DNM3: variants seen among roughly 807,000 people sequenced by gnomAD.
DNM3 encodes dynamin 3.
In DNM3, 47 loss-of-function variants were observed where a neutral mutation model predicts 101.6. The ratio of observed to expected loss-of-function variants is 0.46; its 90% CI spans 0.37 to 0.59. The LOEUF is 0.59. Among genes scored for constraint, DNM3 ranks in the 20% least tolerant of loss-of-function variants. The probability of loss-of-function intolerance (pLI) is 0.00; values close to 1 mark genes in which losing one functional copy is unlikely to be tolerated. For missense variants in DNM3, 849 were observed against 1,085.7 expected, an observed-to-expected ratio of 0.78 and a Z score of 3.06; for synonymous variants, 385 against 387.9, an observed-to-expected ratio of 0.99 and a Z score of 0.09.
intron 1 of DNM3, among the ~76,000 whole-genome samples, chr1:171,850,102 C>T (rs943763000): frequency 4.6e-5 from 7 of 152,152 alleles, no homozygotes; most frequent in African/African-American, 1.7e-4. Context: ...GTTGGCGAAG[C>T]AGGACTACTT....
Position 172,411,443 on chromosome 1 carries a change from T to G in DNM3, c.*3602T>G, listed in dbSNP as rs933547094. ...AACCTCTGGAGACCTATCTTTAAGATCTCTAATTGGAATTATAAATTATTT... is the reference window on the plus strand; with the variant it reads ...AACCTCTGGAGACCTATCTTTAAGAGCTCTAATTGGAATTATAAATTATTT... On this transcript the variant is annotated 3_prime_UTR_variant, in exon 21 of 21. Coordinates refer to ENST00000627582, the MANE Select transcript of DNM3 (RefSeq NM_015569.5). 2 of 984,518 alleles carry G rather than the reference T, an allele frequency of 2.0e-6. No individual in the cohort carries two copies. Among genetic ancestry groups the G allele is most frequent in the Non-Finnish European group, 2.4e-6 (2 of 829,414 alleles). The allele number at this position is 984,518 out of a possible 1,614,324, so 61.0% of individuals were successfully genotyped here.
At chr1:172,134,132 G>A (rs1227747956) in intron 14 of DNM3, among the ~76,000 whole-genome samples, 2 of 152,164 alleles carry the variant, frequency 1.3e-5, no homozygotes, top group African/African-American at 4.8e-5. Flanking sequence ...AAGAGAGGAT[G>A]GTGGCTGGGT....
intron 14 of DNM3, among the ~76,000 whole-genome samples, chr1:172,192,593 T>C (rs1434365882): frequency 3.4e-5 from 5 of 146,400 alleles, no homozygotes; most frequent in Non-Finnish European, 7.4e-5. Context: ...GTTCTCATTG[T>C]TCAATTCCCA....
intron 17 of DNM3, among the ~76,000 whole-genome samples, chr1:172,359,806 G>A (rs1053719290): frequency 2.6e-5 from 4 of 151,862 alleles, no homozygotes; most frequent in Non-Finnish European, 4.4e-5. Context: ...AATTTTCTGC[G>A]GCTCTTTTCC....
chr1:172,364,728 A>G (rs2067919645), intron 17 of DNM3, among the ~76,000 whole-genome samples: 1 of 151,784 alleles, frequency 6.6e-6, no homozygotes, highest in Non-Finnish European at 1.5e-5. Context: ...ATGGGGATGG[A>G]TTTCTCATGA....
At chr1:171,875,505 C>T (rs2035682483) in intron 1 of DNM3, among the ~76,000 whole-genome samples, 1 of 152,144 alleles carries the variant, frequency 6.6e-6, no homozygotes, top group Non-Finnish European at 1.5e-5. Context: ...TTAGATTTGG[C>T]ATCTGAAGGA....
At chr1:172,292,074 G>A (rs1291088522) in intron 15 of DNM3, among the ~76,000 whole-genome samples, 1 of 152,116 alleles carries the variant, frequency 6.6e-6, no homozygotes, top group Admixed American at 6.6e-5. Flanking sequence ...TTTATAGGAG[G>A]TCACGTGCAC....
chr1:172,199,018 C>G (rs1379502875), intron 14 of DNM3, among the ~76,000 whole-genome samples: 2 of 152,032 alleles, frequency 1.3e-5, no homozygotes, highest in East Asian at 3.9e-4. Flanking sequence ...AATTTGAGAT[C>G]ATTCCAACTT....
At chr1:172,341,131 T>C (rs1037965036) in intron 17 of DNM3, among the ~76,000 whole-genome samples, 2 of 152,062 alleles carry the variant, frequency 1.3e-5, no homozygotes, top group Admixed American at 6.5e-5. Flanking sequence ...TCAATCCCAT[T>C]CACAGCTGCC....
chr1:172,129,937 A>T (rs60255562), intron 13 of DNM3, among the ~76,000 whole-genome samples: 13,052 of 152,120 alleles, frequency 0.086, 1,391 homozygotes, highest in African/African-American at 0.24. Flanking sequence ...TTATAAAAGC[A>T]ACAGCACACT....
chr1:172,032,220 AACTGTCCTCCTCATCAC>A (rs752707336), intron 4 of DNM3, among the ~76,000 whole-genome samples, 165 bp from the exon 5 acceptor site: 80 of 152,142 alleles, frequency 5.3e-4, no homozygotes, highest in Non-Finnish European at 9.4e-4. Context: ...GTGGTTTGGC[AACTGTCCTCCTCATCAC>A]ACTGAAATCA....
At chr1:171,999,161 T>G (rs1460310619) in intron 4 of DNM3, among the ~76,000 whole-genome samples, 1 of 152,038 alleles carries the variant, frequency 6.6e-6, no homozygotes, top group African/African-American at 2.4e-5. Context: ...GGAGACCAGT[T>G]AGGTTATTCT....
At chr1:171,917,988 G>A (rs1035232369) in intron 1 of DNM3, among the ~76,000 whole-genome samples, 4 of 152,166 alleles carry the variant, frequency 2.6e-5, no homozygotes, top group African/African-American at 2.4e-5. Flanking sequence ...AATATTGTTC[G>A]TGTCAGTGCT....
chr1:172,070,316 G>A (rs1398564393), intron 11 of DNM3, among the ~76,000 whole-genome samples: 1 of 152,084 alleles, frequency 6.6e-6, no homozygotes. Context: ...TCTCCCTAAT[G>A]TCTAATGTCT....
intron 17 of DNM3, among the ~76,000 whole-genome samples, chr1:172,346,628 G>T (rs2066954026): frequency 6.6e-6 from 1 of 152,152 alleles, no homozygotes; most frequent in African/African-American, 2.4e-5. Flanking sequence ...GGACAAATCA[G>T]ACACCCTCAT....
intron 7 of DNM3, among the ~76,000 whole-genome samples, chr1:172,041,134 A>G (rs1255696347): frequency 6.6e-6 from 1 of 152,204 alleles, no homozygotes; most frequent in Non-Finnish European, 1.5e-5. Flanking sequence ...AAGCAGGATC[A>G]TCATCTAGAG....
intron 14 of DNM3, among the ~76,000 whole-genome samples, chr1:172,235,903 A>T (rs919871869): frequency 6.6e-6 from 1 of 152,114 alleles, no homozygotes; most frequent in South Asian, 2.1e-4. Flanking sequence ...CTACATGACG[A>T]GTTAATGGGT....
intron 14 of DNM3, among the ~76,000 whole-genome samples, chr1:172,171,026 A>T (rs1333838057): frequency 6.6e-6 from 1 of 151,698 alleles, no homozygotes; most frequent in Non-Finnish European, 1.5e-5. Flanking sequence ...TTAATTCATG[A>T]TCTCTTCTGT....
In DNM3 at chr1:172,042,061, G is replaced by C; in HGVS notation, c.1045G>C (p.Asp349His). 8 of 1,609,846 alleles carry C rather than the reference G, an allele frequency of 5.0e-6. No individual in the cohort carries two copies. Among genetic ancestry groups the C allele is most frequent in the Non-Finnish European group, 6.8e-6 (8 of 1,178,466 alleles). ...DFEKRIEGSGDQVDTLELSGG... is the reference protein window; with the variant it reads ...DFEKRIEGSGHQVDTLELSGG... ...TGAGAAGAGAATTGAAGGGTCAGGG[G>C]ATCAAGTAGATACCCTGGAACTCTC... The change falls in exon 8 of 21, where the codon GAT (aspartate) becomes CAT (histidine). Residue 349 changes from aspartate (D) to histidine (H), a missense_variant. Around this residue, in one of 5 missense-constraint regions of DNM3, gnomAD observed 388 missense variants for 483.0 expected, o/e 0.80. Transcript: ENST00000627582.
Sources: allele counts gnomAD v4.1 joint callset (sites outside exome capture counted in the v4.1 genomes callset), GRCh38; gene constraint gnomAD v4.1.1; regional missense constraint gnomAD v4.1.1; transcripts MANE v1.5; gene names NCBI Gene and HGNC (gene_info 2026-07-23, HGNC 2026-07-21).